SKI: variants seen among roughly 807,000 people sequenced by gnomAD.
SKI encodes the protein SKI proto-oncogene.
A neutral mutation model predicts 59.3 loss-of-function variants in SKI; 23 were observed. That is an observed-to-expected ratio of 0.39 (90% CI 0.28 to 0.55). The LOEUF (loss-of-function observed/expected upper bound fraction) is 0.55, where lower values mean the gene tolerates loss of function less well. Ranked by LOEUF, SKI falls within the 20% of genes least tolerant of loss-of-function variation. The pLI, the probability that SKI is intolerant of heterozygous loss-of-function variation, is 0.67. For missense variants in SKI, 1,017 were observed against 1,038.9 expected (o/e 0.98, Z 0.29); for synonymous variants, 673 against 488.6 (o/e 1.38, Z -4.98).
chr1:2,265,259 G>A (rs977488930), intron 1 of SKI, among the ~76,000 whole-genome samples: 1 of 152,158 alleles, frequency 6.6e-6, no homozygotes, highest in African/African-American at 2.4e-5. Context: ...CTGGGCACTT[G>A]GTGGCCCGTG....
chr1:2,305,092 G>T (rs571566306), intron 5 of SKI, among the ~76,000 whole-genome samples: 1 of 152,326 alleles, frequency 6.6e-6, no homozygotes, highest in South Asian at 2.1e-4. Flanking sequence ...GGCGGCTCCC[G>T]CCAGGCCTCC....
intron 1 of SKI, among the ~76,000 whole-genome samples, chr1:2,244,265 C>T (rs530878972): frequency 1.3e-5 from 2 of 152,102 alleles, no homozygotes; most frequent in South Asian, 2.1e-4. Context: ...CACCTGGCCC[C>T]TCCTGACAAC....
intron 1 of SKI, among the ~76,000 whole-genome samples, chr1:2,245,842 G>A (rs1243130239): frequency 1.6e-5 from 2 of 123,732 alleles, no homozygotes; most frequent in African/African-American, 3.1e-5. Context: ...TGTTGCCCAG[G>A]CCAGAGTGCG....
In SKI at chr1:2,229,615, C is replaced by T. The variant is rs751646892; in HGVS notation, c.849C>T (p.Ala283=). 2 of 1,612,510 alleles carry T rather than the reference C, an allele frequency of 1.2e-6. No individual in the cohort carries two copies. Among genetic ancestry groups the T allele is most frequent in the African/African-American group, 1.3e-5 (1 of 75,072 alleles). ...HWGFDSANWR[A]YILLSQDYTG... is the part of the protein sequence containing the mutation. ...GCTTCGACTCGGCCAACTGGCGGGCCTACATCCTGCTGAGCCAGGATTACA... is the reference window on the plus strand; with the variant it reads ...GCTTCGACTCGGCCAACTGGCGGGCTTACATCCTGCTGAGCCAGGATTACA... The change falls in exon 1 of 7, where the codon GCC becomes GCT. Residue 283 remains alanine, a synonymous_variant. Transcript: ENST00000378536. This position sits in a 1 kb window ranked among gnomAD's most constrained non-coding sequence, Gnocchi z 6.3.
intron 1 of SKI, among the ~76,000 whole-genome samples, chr1:2,288,730 G>A (rs1213112768): frequency 2.0e-5 from 3 of 152,214 alleles, no homozygotes; most frequent in Admixed American, 6.5e-5. Context: ...ACTAGCCTGA[G>A]GTGGGCTGTT....
At chr1:2,233,164 G>T (rs756989688) in intron 1 of SKI, among the ~76,000 whole-genome samples, 1 of 151,834 alleles carries the variant, frequency 6.6e-6, no homozygotes, top group Non-Finnish European at 1.5e-5. Context: ...CCCTTGGGCC[G>T]TGGCAGGATC....
intron 1 of SKI, among the ~76,000 whole-genome samples, chr1:2,280,337 C>T (rs1639845508): frequency 6.6e-6 from 1 of 151,490 alleles, no homozygotes; most frequent in Non-Finnish European, 1.5e-5. Context: ...GATGGCACCA[C>T]TGCACTCCAG....
intron 1 of SKI, among the ~76,000 whole-genome samples, chr1:2,289,789 C>T (rs1178692766): frequency 6.6e-6 from 1 of 152,176 alleles, no homozygotes; most frequent in Non-Finnish European, 1.5e-5. Flanking sequence ...TTGGAAACAG[C>T]AGAGAAGGGG....
intron 1 of SKI, among the ~76,000 whole-genome samples, chr1:2,265,333 CT>C (rs1243336387): frequency 6.6e-6 from 1 of 152,022 alleles, no homozygotes; most frequent in Non-Finnish European, 1.5e-5. Context: ...CTTTTTTTTC[CT>C]CTATTTCCCT....
chr1:2,278,880 A>T lies in SKI; in HGVS notation c.970-24098A>T, dbSNP rs1160116036. 2.0e-5 allele frequency among the ~76,000 whole-genome samples: 3 copies of T among 152,140 alleles called. No homozygotes were observed. In the East Asian group the frequency reaches 5.8e-4, roughly 29 times the overall value. On this transcript the variant is annotated intron_variant, in intron 1 of 6. Transcript: ENST00000378536. Reference sequence around the variant, plus strand: ...GTGGTGGTGGGGGGTGTTGGGGCTAAGGTTTGGTTAGGGCCCGAGTGCTTG... The same window carrying T: ...GTGGTGGTGGGGGGTGTTGGGGCTATGGTTTGGTTAGGGCCCGAGTGCTTG...
In SKI at chr1:2,231,593, C is replaced by T. The variant is rs1638639367; in HGVS notation, c.969+1858C>T. ...ATCTCAGCGGATGCCTCCGAGCCGC[C>T]TTTCCCTTTTGAAGTCCCCAGCACT... On this transcript the variant is annotated intron_variant, in intron 1 of 6. Transcript: ENST00000378536. Among the ~76,000 whole-genome samples, 2 of 152,222 alleles carry T rather than the reference C, an allele frequency of 1.3e-5. 1 individual carries two copies. The highest frequency in any genetic ancestry group is 2.9e-5 in the Non-Finnish European group (2 of 68,050).
intron 1 of SKI, among the ~76,000 whole-genome samples, chr1:2,231,586 G>A (rs1459196043): frequency 1.3e-5 from 2 of 152,196 alleles, no homozygotes; most frequent in African/African-American, 2.4e-5. Context: ...GGATGCCTCC[G>A]AGCCGCCTTT....
intron 1 of SKI, among the ~76,000 whole-genome samples, chr1:2,258,778 A>T (rs867353170): frequency 1.1e-4 from 17 of 151,882 alleles, no homozygotes; most frequent in Non-Finnish European, 2.2e-4. Context: ...TGAACTCCTG[A>T]CCTTGTGAGC....
intron 4 of SKI, 82 bp downstream of exon 4, chr1:2,304,184 G>T (rs1234967577): frequency 1.3e-6 from 2 of 1,581,018 alleles, no homozygotes; most frequent in Non-Finnish European, 1.7e-6. Flanking sequence ...CGCCGGGGGT[G>T]CGTTGGTGGC....
chr1:2,260,886 T>C (rs1557826060), intron 1 of SKI, among the ~76,000 whole-genome samples: 1 of 152,200 alleles, frequency 6.6e-6, no homozygotes, highest in East Asian at 1.9e-4. Context: ...CTGGGAACTT[T>C]GTCCCTAACT....
At chr1:2,238,908 C>T (rs1391120886) in intron 1 of SKI, among the ~76,000 whole-genome samples, 1 of 152,134 alleles carries the variant, frequency 6.6e-6, no homozygotes, top group African/African-American at 2.4e-5. Flanking sequence ...GCTGGTGTGG[C>T]GTCTGTGAGA....
chr1:2,252,188 C>T (rs376511440), intron 1 of SKI, among the ~76,000 whole-genome samples: 1 of 152,192 alleles, frequency 6.6e-6, no homozygotes, highest in Non-Finnish European at 1.5e-5. Context: ...TAATAACAAA[C>T]TTTATCCTAC....
intron 1 of SKI, among the ~76,000 whole-genome samples, chr1:2,235,494 G>A (rs969980679): frequency 3.9e-5 from 6 of 152,228 alleles, no homozygotes; most frequent in African/African-American, 1.2e-4. Context: ...GGCTCACCCC[G>A]GGGGCTGGGG....
chr1:2,301,188 C>T (rs1426263020), intron 1 of SKI, among the ~76,000 whole-genome samples: 1 of 152,218 alleles, frequency 6.6e-6, no homozygotes, highest in Non-Finnish European at 1.5e-5. Flanking sequence ...GGAAGGGGCT[C>T]TGCTGCAGCT....
Sources: gnomAD v4.1 joint callset for allele counts (sites outside exome capture counted in the v4.1 genomes callset) on GRCh38, gnomAD v4.1.1 for gene constraint, Gnocchi (gnomAD v3.1) non-coding constraint, MANE v1.5 for transcripts, NCBI Gene and HGNC (gene_info 2026-07-23, HGNC 2026-07-21) for gene names.